CHIC2: variants seen among roughly 807,000 people sequenced by gnomAD.
CHIC2 encodes the protein cysteine rich hydrophobic domain 2.
CHIC2 carries 14 observed loss-of-function variants against 25.9 expected under a neutral mutation model. The observed-to-expected ratio is 0.54, with a 90% CI of 0.36 to 0.85. The LOEUF is 0.85. Among genes scored for constraint, CHIC2 ranks in the 40% least tolerant of loss-of-function variants. The pLI, the probability that CHIC2 is intolerant of heterozygous loss-of-function variation, is 0.01. For missense variants in CHIC2, 146 were observed against 202.0 expected (o/e 0.72, Z 1.68); for synonymous variants, 70 against 72.0 (o/e 0.97, Z 0.14).
At chr4:54,053,851 C>T (rs966538580) in intron 1 of CHIC2, among the ~76,000 whole-genome samples, 2 of 151,994 alleles carry the variant, frequency 1.3e-5, no homozygotes, top group African/African-American at 4.8e-5. Flanking sequence ...AGTGCGGTGG[C>T]GTGGTCTCAT....
intron 5 of CHIC2, among the ~76,000 whole-genome samples, chr4:54,010,526 C>T (rs1715552294): frequency 6.6e-6 from 1 of 152,002 alleles, no homozygotes; most frequent in Admixed American, 6.6e-5. Flanking sequence ...AACTGTATAC[C>T]AGGTGTTCCA....
intron 1 of CHIC2, among the ~76,000 whole-genome samples, chr4:54,063,752 A>G (rs1717407325): frequency 6.6e-6 from 1 of 152,242 alleles, no homozygotes; most frequent in Non-Finnish European, 1.5e-5. Context: ...CTTCGCTGCC[A>G]ATTGTCACTG....
At chr4:54,024,548 C>CT (rs1265034345) in intron 3 of CHIC2, among the ~76,000 whole-genome samples, 13 of 152,108 alleles carry the variant, frequency 8.5e-5, no homozygotes, top group Admixed American at 1.3e-4. Context: ...CTTTGCATTT[C>CT]TTTTTTCTCC....
At chr4:54,026,938 G>A (rs911715859) in intron 3 of CHIC2, among the ~76,000 whole-genome samples, 27 of 151,912 alleles carry the variant, frequency 1.8e-4, no homozygotes, top group African/African-American at 5.6e-4. Context: ...TTTGTAAATC[G>A]AACTTTTTTA....
At chr4:54,048,879 A>G in intron 3 of CHIC2, 76 bp downstream of exon 3, 1 of 1,256,648 alleles carries the variant, frequency 8.0e-7, no homozygotes, top group East Asian at 2.6e-5. Flanking sequence ...ATTCAATACA[A>G]AAAATAAAAA....
chr4:54,065,349 ACCAAACAT>A (rs1435370510), upstream of CHIC2: 11 of 980,950 alleles, frequency 1.1e-5, no homozygotes, highest in East Asian at 1.3e-3. Context: ...CAACTCTCTC[ACCAAACAT>A]AACCTGGTTT....
chr4:54,044,332 A>T (rs1291601674), intron 3 of CHIC2, among the ~76,000 whole-genome samples: 3 of 152,210 alleles, frequency 2.0e-5, no homozygotes, highest in African/African-American at 7.2e-5. Context: ...CTCCACCCCA[A>T]ATCAACAGAA....
At chr4:54,079,272 C>A in the CHIC2 span, among the ~76,000 whole-genome samples, 5 of 152,072 alleles carry the variant, frequency 3.3e-5, no homozygotes, top group African/African-American at 1.2e-4. Flanking sequence ...AACTTTTATC[C>A]TTTCAGACTT....
the CHIC2 span, among the ~76,000 whole-genome samples, chr4:54,079,592 A>G: frequency 1.3e-5 from 2 of 152,172 alleles, no homozygotes. Context: ...AACCTGATTT[A>G]AAGATAGGCA....
At position 54,049,263 on chromosome 4, in the gene CHIC2, T is replaced by C. The variant is rs1406513355; in HGVS notation, c.162A>G (p.Ser54=). The C allele has an allele frequency of 1.2e-6, 2 of 1,603,822 alleles. No individual in the cohort carries two copies. The highest frequency in any genetic ancestry group is 1.7e-6 in the Non-Finnish European group (2 of 1,173,676). Residue 54 remains serine (S), a synonymous_variant, in exon 2 of 6, where the codon TCA becomes TCG. Transcript: ENST00000263921. The stretch of plus-strand genomic sequence containing the variant: ...ATGAGACACTCACTTTTCCAGTTAA[T>C]GAAGAAGGGAATTCAGATTCAAATT... ...SNKFESEFPS[S]LTGKVAPEEF... is the part of the protein sequence containing the mutation.
At chr4:54,078,855 C>A in the CHIC2 span, among the ~76,000 whole-genome samples, 1 of 152,082 alleles carries the variant, frequency 6.6e-6, no homozygotes, top group African/African-American at 2.4e-5. Flanking sequence ...TGTTTTCCTA[C>A]ATGACATTAA....
the CHIC2 span, among the ~76,000 whole-genome samples, chr4:54,071,739 C>G: frequency 6.6e-6 from 1 of 152,306 alleles, no homozygotes; most frequent in Non-Finnish European, 1.5e-5. Flanking sequence ...CTTTGGGAGG[C>G]CGAGGCAGGC....
chr4:54,047,745 C>T (rs190093384), intron 3 of CHIC2, among the ~76,000 whole-genome samples: 3,262 of 151,708 alleles, frequency 0.022, 45 homozygotes, highest in Middle Eastern at 0.044. Flanking sequence ...CACATGTATA[C>T]ATATGTAACT....
At chr4:54,014,548 T>TA (rs1280177724) in intron 3 of CHIC2, among the ~76,000 whole-genome samples, 2 of 152,076 alleles carry the variant, frequency 1.3e-5, no homozygotes, top group Non-Finnish European at 2.9e-5. Flanking sequence ...ATTGGAATAT[T>TA]AAAAAAATCA....
chr4:54,071,878 G>T, the CHIC2 span, among the ~76,000 whole-genome samples: 1 of 152,096 alleles, frequency 6.6e-6, no homozygotes, highest in Non-Finnish European at 1.5e-5. Context: ...CATACCATGT[G>T]TACACATTTG....
intron 3 of CHIC2, among the ~76,000 whole-genome samples, chr4:54,031,023 G>A (rs1351418149): frequency 1.3e-5 from 2 of 151,900 alleles, no homozygotes; most frequent in East Asian, 1.9e-4. Flanking sequence ...GGGATTACAG[G>A]TGCATGCCAC....
chr4:54,038,084 G>A (rs1370935505), intron 3 of CHIC2, among the ~76,000 whole-genome samples: 3 of 152,066 alleles, frequency 2.0e-5, no homozygotes, highest in Non-Finnish European at 4.4e-5. Flanking sequence ...ATAAAGCAAG[G>A]AGTTTGCTCT....
At chr4:54,086,864 T>C in the CHIC2 span, 69 of 559,624 alleles carry the variant, frequency 1.2e-4, no homozygotes, top group African/African-American at 1.2e-3. Context: ...AGAGTCCTTT[T>C]GGGAAATCCC....
chr4:54,037,096 G>A (rs1188844070), intron 3 of CHIC2, among the ~76,000 whole-genome samples: 2 of 152,262 alleles, frequency 1.3e-5, no homozygotes, highest in Middle Eastern at 3.4e-3. Context: ...CAAGCACGGA[G>A]GCTCACACCT....
Sources: gnomAD v4.1 joint callset for allele counts (sites outside exome capture counted in the v4.1 genomes callset) on GRCh38, gnomAD v4.1.1 for gene constraint, MANE v1.5 for transcripts, NCBI Gene and HGNC (gene_info 2026-07-23, HGNC 2026-07-21) for gene names.